Variants in PACS2 observed in about 807,000 individuals in gnomAD.
The protein encoded by PACS2 is PACS1-like protein.
A neutral mutation model predicts 113.0 loss-of-function variants in PACS2; 36 were observed. That is an observed-to-expected ratio of 0.32 (90% CI 0.24 to 0.42). The LOEUF (loss-of-function observed/expected upper bound fraction) is 0.42, where lower values mean the gene tolerates loss of function less well. PACS2 is among the 10% of genes least tolerant of loss of function. The probability of loss-of-function intolerance (pLI) is 1.00; values close to 1 mark genes in which losing one functional copy is unlikely to be tolerated. For missense variants in PACS2, 1,015 were observed against 1,239.5 expected (o/e 0.82, Z 2.72); for synonymous variants, 589 against 536.1 (o/e 1.10, Z -1.36).
intron 24 of PACS2, chr14:105,393,551 A>G: frequency 2.1e-6 from 1 of 482,470 alleles, no homozygotes; most frequent in Non-Finnish European, 3.6e-6. Flanking sequence ...GCTTTTTAAA[A>G]ATAATGACTT....
At chr14:105,326,546 G>A (rs2059115675) in intron 1 of PACS2, among the ~76,000 whole-genome samples, 1 of 152,230 alleles carries the variant, frequency 6.6e-6, no homozygotes, top group South Asian at 2.1e-4. Flanking sequence ...GCCCGCCGGT[G>A]CCTCTAGAAG....
chr14:105,386,058 G>A (rs1442812418), intron 19 of PACS2, among the ~76,000 whole-genome samples: 7 of 152,324 alleles, frequency 4.6e-5, no homozygotes, highest in African/African-American at 1.7e-4. Context: ...CCTTTCCCCG[G>A]CTCTGTTTTG....
chr14:105,323,854 G>A lies in PACS2; in HGVS notation c.119+8817G>A, dbSNP rs948042668. 5.9e-5 allele frequency among the ~76,000 whole-genome samples: 9 copies of A among 152,226 alleles called. No individual in the cohort carries two copies. The highest frequency in any genetic ancestry group is 1.0e-4 in the Non-Finnish European group (7 of 68,044). ...AGCTGGGGCCAAGGGGCAGCAGGAC[G>A]GTGCCCGTAGCCCTGGAGGCCTTGG... is the stretch of plus-strand genomic sequence containing the variant. On this transcript the variant is annotated intron_variant, in intron 1 of 24. Coordinates refer to ENST00000447393, the MANE Select transcript of PACS2 (RefSeq NM_001100913.3). This position sits in a 1 kb window ranked among gnomAD's most constrained non-coding sequence, Gnocchi z 4.1.
rs1219710345 is a variant in PACS2 at position 105,354,197 on chromosome 14, C to A, written c.298-855C>A. Among the ~76,000 whole-genome samples the A allele has an allele frequency of 6.6e-6, 1 of 152,092 alleles. No homozygotes were observed. Among genetic ancestry groups the A allele is most frequent in the Non-Finnish European group, 1.5e-5 (1 of 68,020 alleles). On this transcript the variant is annotated intron_variant, in intron 3 of 24. Transcript: ENST00000447393. This position sits in a 1 kb window ranked among gnomAD's most constrained non-coding sequence, Gnocchi z 4.2. The stretch of plus-strand genomic sequence containing the variant: ...GGAAACTCAGAGTTCACAAGCAATC[C>A]CAGCTCTTCGGGAGGCTGAGGCAGG...
rs1227708197 is a variant in PACS2, at chr14:105,308,481, CT to C, written c.-83+7521del. ...TGGGCACGACAGAGGCAGATTCTGT[CT>C]TTTTTTTTTTTTTTTTTTGAGATGG... On this transcript the variant is annotated intron_variant, in intron 1 of 23. Transcript: ENST00000430725. Among the ~76,000 whole-genome samples the C allele has an allele frequency of 1.5e-3, 183 of 124,580 alleles. 1 individual carries two copies. The highest frequency in any genetic ancestry group is 8.1e-3 in the Middle Eastern group (2 of 248). 81.7% of individuals were successfully genotyped at this position (124,580 alleles called of 152,430 possible).
At chr14:105,353,320 C>A (rs1316948139) in intron 3 of PACS2, among the ~76,000 whole-genome samples, 1 of 139,264 alleles carries the variant, frequency 7.2e-6, no homozygotes, top group African/African-American at 2.7e-5. Flanking sequence ...TGGGCCCCCT[C>A]GTCACTGTCC....
intron 9 of PACS2, among the ~76,000 whole-genome samples, chr14:105,377,619 C>T (rs115109074): frequency 0.017 from 2,650 of 152,302 alleles, 105 homozygotes; most frequent in African/African-American, 0.061. Context: ...CTAAACAACA[C>T]GAAGAAGGTG....
intron 24 of PACS2, chr14:105,394,257 G>T: frequency 1.0e-6 from 1 of 985,344 alleles, no homozygotes; most frequent in Non-Finnish European, 1.2e-6. Flanking sequence ...AGCAGCGCCT[G>T]GCGGAAGGTG....
intron 22 of PACS2, chr14:105,392,354 A>C: frequency 3.8e-6 from 2 of 523,058 alleles, no homozygotes; most frequent in Non-Finnish European, 6.9e-6. Context: ...CACGACTCCA[A>C]GGGGCAGCTT....
At chr14:105,344,261 G>T (rs910270606) in intron 1 of PACS2, among the ~76,000 whole-genome samples, 16 of 149,058 alleles carry the variant, frequency 1.1e-4, no homozygotes, top group Middle Eastern at 3.4e-3. Context: ...GTTTTTTTTT[G>T]TTTTGTTTTG....
chr14:105,389,751 CCCAGGCGTTGGTCCTGGGGG>C (rs1240804122), intron 19 of PACS2, 190 bp from the exon 20 acceptor site: 22 of 605,870 alleles, frequency 3.6e-5, no homozygotes, highest in Admixed American at 8.8e-5. Context: ...TCAGAAGGGG[CCCAGGCGTTGGTCCTGGGGG>C]CCAGGCCAGG....
intron 1 of PACS2, among the ~76,000 whole-genome samples, chr14:105,331,169 G>C (rs1265795344): frequency 6.6e-6 from 1 of 152,102 alleles, no homozygotes; most frequent in African/African-American, 2.4e-5. Context: ...TGGCCAGGCT[G>C]GTCTCAAACT....
intron 16 of PACS2, 54 bp downstream of exon 16, chr14:105,383,567 G>T: frequency 1.3e-6 from 2 of 1,517,180 alleles, no homozygotes; most frequent in South Asian, 2.5e-5. Flanking sequence ...GGGCAGTGTG[G>T]CGTGGCATGG....
At chr14:105,308,101 T>C (rs1480129742) in intron 1 of PACS2, among the ~76,000 whole-genome samples, 3 of 152,098 alleles carry the variant, frequency 2.0e-5, no homozygotes, top group African/African-American at 7.2e-5. Flanking sequence ...GAGAATCGCT[T>C]GAACCCAGGT....
chr14:105,364,950 A>C (rs2060893403), intron 4 of PACS2, among the ~76,000 whole-genome samples: 1 of 152,110 alleles, frequency 6.6e-6, no homozygotes, highest in African/African-American at 2.4e-5. Flanking sequence ...CACCTGCCTC[A>C]ACCTCCCAAA....
upstream of PACS2, among the ~76,000 whole-genome samples, chr14:105,310,315 G>A (rs1158311484): frequency 2.0e-5 from 3 of 151,162 alleles, no homozygotes; most frequent in East Asian, 2.0e-4. Context: ...CGGATCATGA[G>A]GTCAGGAGAT....
rs2060433942 is a variant in PACS2 at position 105,356,105 on chromosome 14, C to G, written c.423+928C>G. ...AGCCCCTCTTCTTCCCACTTTGTCC[C>G]CCTGCTCCTGGGGCTTGGGGCTGGG... On this transcript the variant is annotated intron_variant, in intron 4 of 24. Coordinates refer to ENST00000447393, the MANE Select transcript of PACS2 (RefSeq NM_001100913.3). This position sits in a 1 kb window ranked among gnomAD's most constrained non-coding sequence, Gnocchi z 4.0. Among the ~76,000 whole-genome samples, 1 of 152,150 alleles carries G rather than the reference C, an allele frequency of 6.6e-6. No individual in the cohort carries two copies. Among genetic ancestry groups the G allele is most frequent in the Admixed American group, 6.5e-5 (1 of 15,280 alleles).
chr14:105,310,050 C>G (rs981565174), upstream of PACS2, among the ~76,000 whole-genome samples: 1 of 151,608 alleles, frequency 6.6e-6, no homozygotes, highest in Non-Finnish European at 1.5e-5. Flanking sequence ...TCCCAAAGTG[C>G]TGGGATTACA....
At position 105,393,171 on chromosome 14, in the gene PACS2, C is replaced by T. The variant is rs376273630; in HGVS notation, c.2483-51C>T. 3.4e-5 allele frequency: 49 copies of T among 1,443,512 alleles called. No homozygotes were observed. In the African/African-American group the frequency reaches 6.0e-4, roughly 18 times the overall value. The allele number at this position is 1,443,512 out of a possible 1,614,324, so 89.4% of individuals were successfully genotyped here. A position where few individuals can be genotyped will look rare whatever the true frequency, so the allele number is the denominator to read the frequency against. Reference sequence around the variant, plus strand: ...CCACACGTACCCCTGGCCCTGGCCCCAGCCCCGAAGGAGCAGCAAGATGAC... The same window carrying T: ...CCACACGTACCCCTGGCCCTGGCCCTAGCCCCGAAGGAGCAGCAAGATGAC... On this transcript the variant is annotated intron_variant, in intron 23 of 24. Transcript: ENST00000447393.
Sources: gnomAD v4.1 joint callset for allele counts (sites outside exome capture counted in the v4.1 genomes callset) on GRCh38, gnomAD v4.1.1 for gene constraint, Gnocchi (gnomAD v3.1) non-coding constraint, MANE v1.5 for transcripts, NCBI Gene and HGNC (gene_info 2026-07-23, HGNC 2026-07-21) for gene names.